BBS9: variants seen among roughly 807,000 people sequenced by gnomAD.
BBS9 encodes protein PTHB1.
In BBS9, 89 loss-of-function variants were observed where a neutral mutation model predicts 117.7. The observed-to-expected ratio is 0.76, with a 90% CI of 0.64 to 0.90. The LOEUF is 0.90. Among genes scored for constraint, BBS9 ranks in the 40% least tolerant of loss-of-function variants. The pLI is 0.00. For synonymous variants in BBS9, 379 were observed against 370.9 expected, an observed-to-expected ratio of 1.02 and a Z score of -0.25; for missense variants, 982 against 1,042.2, an observed-to-expected ratio of 0.94 and a Z score of 0.80.
At chr7:33,349,432 GATTT>G (rs771630173) in intron 13 of BBS9, 32 of 460,484 alleles carry the variant, frequency 6.9e-5, no homozygotes, top group Non-Finnish European at 1.0e-4. Flanking sequence ...AATTGTTTTT[GATTT>G]ATTTATTTAT....
At chr7:33,529,186 A>G (rs535788307) in intron 20 of BBS9, among the ~76,000 whole-genome samples, 1 of 152,242 alleles carries the variant, frequency 6.6e-6, no homozygotes, top group East Asian at 1.9e-4. Flanking sequence ...ATCTGGGACC[A>G]GCATGGACTG....
At chr7:33,310,858 A>T (rs1809071695) in intron 9 of BBS9, among the ~76,000 whole-genome samples, 1 of 152,240 alleles carries the variant, frequency 6.6e-6, no homozygotes, top group Non-Finnish European at 1.5e-5. Flanking sequence ...TCTCTATGCC[A>T]GCCACTGTGC....
chr7:33,208,384 G>C (rs1437146846), intron 5 of BBS9, among the ~76,000 whole-genome samples: 1 of 152,106 alleles, frequency 6.6e-6, no homozygotes, highest in Admixed American at 6.5e-5. Context: ...TGTTCCCAGA[G>C]GCTGCTACTT....
intron 7 of BBS9, 116 bp from the exon 8 acceptor site, chr7:33,272,896 G>A (rs1416671922): frequency 2.0e-6 from 2 of 985,802 alleles, no homozygotes; most frequent in African/African-American, 3.2e-5. Context: ...AAAGAGATTA[G>A]CCCATCTTTA....
chr7:33,222,542 C>T (rs1170055222), intron 5 of BBS9, among the ~76,000 whole-genome samples: 2 of 152,096 alleles, frequency 1.3e-5, no homozygotes, highest in East Asian at 1.9e-4. Flanking sequence ...GTCTGTATGC[C>T]TCATATCTTG....
chr7:33,622,570 T>A (rs1057131490), intron 21 of BBS9, among the ~76,000 whole-genome samples: 1 of 152,178 alleles, frequency 6.6e-6, no homozygotes, highest in South Asian at 2.1e-4. Flanking sequence ...TATATACAAT[T>A]TTTATTTGTC....
chr7:33,398,155 C>T (rs1828318187), intron 19 of BBS9, among the ~76,000 whole-genome samples: 2 of 152,238 alleles, frequency 1.3e-5, no homozygotes, highest in East Asian at 1.9e-4. Flanking sequence ...CTAATTCACA[C>T]TTGAAATGTG....
intron 21 of BBS9, among the ~76,000 whole-genome samples, chr7:33,570,643 G>A (rs1020414383): frequency 6.6e-6 from 1 of 152,226 alleles, no homozygotes; most frequent in Admixed American, 6.5e-5. Context: ...AATTTTAAGG[G>A]AAAACTGTTA....
In BBS9 at chr7:33,417,951, T is replaced by C. The variant is rs544297050; in HGVS notation, c.2115+29807T>C. ...AAGGGTTAAGCCTGGTGATTGAGAC[T>C]ATATTCTGGTGCAGTGTGCAGCCAC... On this transcript the variant is annotated intron_variant, in intron 19 of 22. Coordinates refer to ENST00000242067, the MANE Select transcript of BBS9 (RefSeq NM_198428.3). Among the ~76,000 whole-genome samples the C allele has an allele frequency of 1.1e-4, 16 of 152,338 alleles. No individual in the cohort carries two copies. In the South Asian group the frequency reaches 3.3e-3, roughly 32 times the overall value.
At chr7:33,473,570 C>T (rs1225492988) in intron 19 of BBS9, among the ~76,000 whole-genome samples, 1 of 152,216 alleles carries the variant, frequency 6.6e-6, no homozygotes, top group African/African-American at 2.4e-5. Context: ...GGTCCGCCTT[C>T]CTTGGCCTCC....
At chr7:33,440,016 A>G (rs958378583) in intron 19 of BBS9, among the ~76,000 whole-genome samples, 10 of 152,164 alleles carry the variant, frequency 6.6e-5, no homozygotes, top group African/African-American at 2.4e-4. Flanking sequence ...GAGAAATTTG[A>G]TATGAAATAA....
chr7:33,304,564 G>A lies in BBS9; in HGVS notation c.1016+30608G>A, dbSNP rs538100332. Among the ~76,000 whole-genome samples, 10 of 152,258 alleles carry A rather than the reference G, an allele frequency of 6.6e-5. No homozygotes were observed. In the South Asian group the frequency reaches 8.3e-4, roughly 13 times the overall value. On this transcript the variant is annotated intron_variant, in intron 9 of 22. Transcript: ENST00000242067. The stretch of plus-strand genomic sequence containing the variant: ...CTGCCCTGTCTGGGAAGTGAGGAGC[G>A]CCTCTGCCTGGCTGCTGTGCAATCT...
At chr7:33,265,428 G>A (rs192051947) in intron 7 of BBS9, among the ~76,000 whole-genome samples, 1 of 152,092 alleles carries the variant, frequency 6.6e-6, no homozygotes, top group Non-Finnish European at 1.5e-5. Flanking sequence ...AATAGTTAAA[G>A]CACAGATTGA....
At chr7:33,590,446 T>TTTTTGTTC (rs1861667552) in intron 21 of BBS9, among the ~76,000 whole-genome samples, 1 of 104,282 alleles carries the variant, frequency 9.6e-6, no homozygotes, top group Non-Finnish European at 1.7e-5. Context: ...ACTGTTTGTT[T>TTTTTGTTC]TTTTGTTTTT....
intron 7 of BBS9, among the ~76,000 whole-genome samples, chr7:33,269,964 AGT>A (rs1799498865): frequency 6.7e-6 from 1 of 149,794 alleles, no homozygotes; most frequent in Middle Eastern, 3.5e-3. Flanking sequence ...CGGAGGTTGC[AGT>A]GAGCTGAGAT....
chr7:33,390,275 G>T, intron 19 of BBS9: 1 of 985,328 alleles, frequency 1.0e-6, no homozygotes, highest in Non-Finnish European at 1.2e-6. Flanking sequence ...ACTTGAAGAG[G>T]ATGCTTGATT....
intron 2 of BBS9, among the ~76,000 whole-genome samples, chr7:33,149,920 G>T (rs1235631140): frequency 6.6e-6 from 1 of 152,150 alleles, no homozygotes; most frequent in Non-Finnish European, 1.5e-5. Context: ...CATGAATCTT[G>T]GTTATTTAGT....
intron 5 of BBS9, among the ~76,000 whole-genome samples, chr7:33,179,564 C>T (rs994838446): frequency 1.3e-5 from 2 of 151,796 alleles, no homozygotes; most frequent in Non-Finnish European, 2.9e-5. Flanking sequence ...TCTGTCATTG[C>T]CTCCCATCAT....
At chr7:33,388,286 C>T (rs1057050426) in intron 19 of BBS9, 142 bp downstream of exon 19, 6 of 1,034,824 alleles carry the variant, frequency 5.8e-6, no homozygotes, top group Non-Finnish European at 8.5e-6. Context: ...GCTTTAGAGT[C>T]AGAAAAACCT....
Sources: allele counts gnomAD v4.1 joint callset (sites outside exome capture counted in the v4.1 genomes callset), GRCh38; gene constraint gnomAD v4.1.1; transcripts MANE v1.5; gene names NCBI Gene and HGNC (gene_info 2026-07-23, HGNC 2026-07-21).